The following POLH variants were observed in gnomAD, a reference collection of about 807,000 sequenced individuals.
POLH encodes the protein DNA polymerase eta.
In POLH, 53 loss-of-function variants were observed where a neutral mutation model predicts 73.6. The ratio of observed to expected loss-of-function variants is 0.72; its 90% confidence interval spans 0.58 to 0.91. The LOEUF (loss-of-function observed/expected upper bound fraction) is 0.91. Among genes scored for constraint, POLH ranks in the 40% least tolerant of loss-of-function variants. The pLI is 0.00. For missense variants in POLH, 768 were observed against 865.4 expected, an observed-to-expected ratio of 0.89 and a Z score of 1.41; for synonymous variants, 292 against 308.5, an observed-to-expected ratio of 0.95 and a Z score of 0.56.
intron 1 of POLH, among the ~76,000 whole-genome samples, chr6:43,577,811 G>A (rs754385606): frequency 3.4e-4 from 52 of 152,176 alleles, no homozygotes; most frequent in Non-Finnish European, 5.0e-4. Flanking sequence ...CCGGCCTGGC[G>A]CGGTGGCACA....
chr6:43,607,325 C>G (rs1421718850), intron 9 of POLH, among the ~76,000 whole-genome samples: 2 of 152,264 alleles, frequency 1.3e-5, no homozygotes, highest in Admixed American at 1.3e-4. Flanking sequence ...AATCTCATGA[C>G]CTTGTGATCT....
intron 3 of POLH, among the ~76,000 whole-genome samples, chr6:43,585,517 T>C (rs1764697132): frequency 6.6e-6 from 1 of 152,082 alleles, no homozygotes; most frequent in African/African-American, 2.4e-5. Context: ...AAAACTTGGG[T>C]GATTCCAAGG....
chr6:43,584,860 G>T (rs1311364584), intron 3 of POLH, among the ~76,000 whole-genome samples: 1 of 152,184 alleles, frequency 6.6e-6, no homozygotes, highest in Non-Finnish European at 1.5e-5. Context: ...ATACAGATAG[G>T]TTGGGCATGG....
intron 10 of POLH, among the ~76,000 whole-genome samples, 163 bp from the exon 11 acceptor site, chr6:43,613,497 G>A (rs1329383907): frequency 6.6e-6 from 1 of 152,190 alleles, no homozygotes; most frequent in South Asian, 2.1e-4. Flanking sequence ...GAGAACCACT[G>A]CAGTAAAGAA....
Position 43,615,601 on chromosome 6 carries a change from G to C in POLH, c.*1044G>C, listed in dbSNP as rs958827743. ...CAAACATAAAGTTGGCACAGAAAAG[G>C]GACCAAGTTTAAAAAAGGGTTTTAA... On this transcript the variant is annotated 3_prime_UTR_variant, in exon 11 of 11. Coordinates refer to ENST00000372236, the MANE Select transcript of POLH (RefSeq NM_006502.3). 2 of 151,640 alleles carry C rather than the reference G, an allele frequency of 1.3e-5. No individual in the cohort carries two copies. Among genetic ancestry groups the C allele is most frequent in the East Asian group, 3.8e-4 (2 of 5,202 alleles). The allele number at this position is 151,640 out of a possible 1,614,324, so 9.4% of individuals were successfully genotyped here.
At chr6:43,600,631 T>A (rs1766637909) in intron 5 of POLH, among the ~76,000 whole-genome samples, 1 of 152,232 alleles carries the variant, frequency 6.6e-6, no homozygotes, top group South Asian at 2.1e-4. Flanking sequence ...TTCGGCATTT[T>A]TGTATAGACA....
In POLH at chr6:43,612,180, C is replaced by T. The variant is rs74323268; in HGVS notation, c.1244+1457C>T. Among the ~76,000 whole-genome samples the T allele has an allele frequency of 9.0e-4, 137 of 152,118 alleles. 4 individuals are homozygous for T. In the East Asian group the frequency reaches 0.021, roughly 24 times the overall value. Reference sequence around the variant, plus strand: ...AAGTTTTACAAAACCAAATAACAACCGTGGTACTAATGTACACATGAAACC... The same window carrying T: ...AAGTTTTACAAAACCAAATAACAACTGTGGTACTAATGTACACATGAAACC... On this transcript the variant is annotated intron_variant, in intron 10 of 10. Coordinates refer to ENST00000372236, the MANE Select transcript of POLH (RefSeq NM_006502.3).
In POLH at chr6:43,604,640, G is replaced by A; in HGVS notation, c.910G>A (p.Gly304Arg). The part of the protein sequence containing the change: ...NGSWLYAMCR[G>R]IEHDPVKPRQ... ...GTCTTGGCTATATGCCATGTGCCGA[G>A]GGATTGAACATGATCCAGTTAAACC... Residue 304 changes from glycine to arginine, a missense_variant, in exon 8 of 11, where the codon GGG becomes AGG. Gly to Arg is a moderately radical substitution (Grantham distance 125, BLOSUM62 -2). Coordinates refer to ENST00000372236, the MANE Select transcript of POLH (RefSeq NM_006502.3). 1 of 1,614,016 alleles carries A rather than the reference G, an allele frequency of 6.2e-7. No homozygotes were observed. Among genetic ancestry groups the A allele is most frequent in the Non-Finnish European group, 8.5e-7 (1 of 1,179,892 alleles).
intron 6 of POLH, among the ~76,000 whole-genome samples, chr6:43,601,587 C>T (rs1766740840): frequency 6.6e-6 from 1 of 151,938 alleles, no homozygotes; most frequent in African/African-American, 2.4e-5. Context: ...TTTATTGAAC[C>T]TTCAATTCTG....
intron 1 of POLH, among the ~76,000 whole-genome samples, chr6:43,581,321 C>G (rs989754373): frequency 6.9e-6 from 1 of 145,544 alleles, no homozygotes; most frequent in Non-Finnish European, 1.5e-5. Context: ...ACGCTCCTCA[C>G]TTCCTAGATG....
At chr6:43,608,179 G>T (rs1470307635) in intron 9 of POLH, among the ~76,000 whole-genome samples, 1 of 151,980 alleles carries the variant, frequency 6.6e-6, no homozygotes, top group African/African-American at 2.4e-5. Flanking sequence ...TTTAAATTGG[G>T]TTGTCTCTTT....
chr6:43,588,785 T>C (rs558004381), intron 4 of POLH: 3 of 152,170 alleles, frequency 2.0e-5, no homozygotes, highest in African/African-American at 7.2e-5. Context: ...TATTGCTTTG[T>C]CTATGTGCTT....
chr6:43,601,782 G>C (rs1766761039), intron 6 of POLH, among the ~76,000 whole-genome samples: 1 of 152,138 alleles, frequency 6.6e-6, no homozygotes, highest in African/African-American at 2.4e-5. Context: ...AAATAGGCCG[G>C]GTGCGGTGGC....
chr6:43,603,861 C>T (rs1464304195), intron 6 of POLH, 31 bp from the exon 7 acceptor site: 5 of 1,610,384 alleles, frequency 3.1e-6, no homozygotes, highest in Middle Eastern at 1.7e-4. Context: ...TATGATGTGA[C>T]CTATCAATTC....
rs1768555074 is a variant in POLH, at chr6:43,619,351, T to C, written c.*4794T>C. 8.3e-6 allele frequency among the ~76,000 whole-genome samples: 1 copy of C among 120,896 alleles called. No homozygotes were observed. Among genetic ancestry groups the C allele is most frequent in the Non-Finnish European group, 1.6e-5 (1 of 62,706 alleles). 79.3% of individuals were successfully genotyped at this position (120,896 alleles called of 152,430 possible). ...CTGCACTCCAGCCTGGGTGACAGTCTGAGACCCTGTCTCAAAAAAAAAAAA... is the reference window on the plus strand; with the variant it reads ...CTGCACTCCAGCCTGGGTGACAGTCCGAGACCCTGTCTCAAAAAAAAAAAA... On this transcript the variant is annotated 3_prime_UTR_variant, in exon 11 of 11. Coordinates refer to ENST00000372236, the MANE Select transcript of POLH (RefSeq NM_006502.3).
chr6:43,608,734 C>A (rs1318786689), intron 9 of POLH, among the ~76,000 whole-genome samples: 1 of 152,192 alleles, frequency 6.6e-6, no homozygotes. Context: ...CCCTGAAAAT[C>A]TATCTTTTAA....
chr6:43,590,522 C>T (rs1049316381), intron 4 of POLH, among the ~76,000 whole-genome samples: 12 of 150,772 alleles, frequency 8.0e-5, no homozygotes, highest in South Asian at 2.2e-4. Flanking sequence ...AGTGCAGTGG[C>T]GCAATCTCGG....
intron 7 of POLH, 138 bp downstream of exon 7, chr6:43,604,149 G>A: frequency 7.7e-6 from 6 of 781,082 alleles, no homozygotes; most frequent in Non-Finnish European, 1.3e-5. Flanking sequence ...GGTTCTTCTT[G>A]CTTCAATATC....
chr6:43,606,472 A>AGGCT (rs2127808522), intron 9 of POLH, among the ~76,000 whole-genome samples: 1 of 151,790 alleles, frequency 6.6e-6, no homozygotes, highest in African/African-American at 2.4e-5. Flanking sequence ...TCTATCGCCC[A>AGGCT]GGCTGGAGTG....
Sources: allele counts gnomAD v4.1 joint callset (sites outside exome capture counted in the v4.1 genomes callset), GRCh38; gene constraint gnomAD v4.1.1; transcripts MANE v1.5; gene names NCBI Gene and HGNC (gene_info 2026-07-23, HGNC 2026-07-21).